CD99L2: variants seen among roughly 807,000 people sequenced by gnomAD.
CD99L2 encodes CD99 antigen-like protein 2.
A neutral mutation model predicts 27.3 loss-of-function variants in CD99L2; 24 were observed. The observed-to-expected ratio is 0.88, with a 90% CI of 0.64 to 1.24. The LOEUF (loss-of-function observed/expected upper bound fraction) is 1.24. CD99L2 is among the 50% of genes most tolerant of loss of function. CD99L2 has a pLI of 0.00. For synonymous variants in CD99L2, 97 were observed against 87.9 expected, an observed-to-expected ratio of 1.10 and a Z score of -0.58; for missense variants, 255 against 221.6, an observed-to-expected ratio of 1.15 and a Z score of -0.96.
intron 1 of CD99L2, among the ~76,000 whole-genome samples, chrX:150,872,536 A>G (rs2047173199): frequency 1.1e-5 from 1 of 92,875 alleles, no homozygotes; most frequent in African/African-American, 4.4e-5. Context: ...TTATACCTCA[A>G]TATGTTAAAA....
At chrX:150,881,583 C>T (rs2047325915) in intron 1 of CD99L2, among the ~76,000 whole-genome samples, 1 of 112,426 alleles carries the variant, frequency 8.9e-6, no homozygotes, top group Admixed American at 9.4e-5. Flanking sequence ...ACACAGCACT[C>T]AATTAACAGT....
chrX:150,816,467 G>C (rs968915038), intron 2 of CD99L2: 2 of 180,041 alleles, frequency 1.1e-5, no homozygotes, highest in Non-Finnish European at 1.0e-5. Context: ...TTTAAACATA[G>C]ATAATCCTGC....
intron 1 of CD99L2, among the ~76,000 whole-genome samples, chrX:150,880,844 T>C (rs1299972638): frequency 8.9e-6 from 1 of 111,989 alleles, no homozygotes; most frequent in Non-Finnish European, 1.9e-5. Flanking sequence ...ACCACTATTT[T>C]CTCTTCTAAA....
chrX:150,844,073 A>AT (rs2046663260), intron 1 of CD99L2, among the ~76,000 whole-genome samples: 1 of 112,450 alleles, frequency 8.9e-6, no homozygotes. Flanking sequence ...GGTTCAAGGA[A>AT]TAACACTCAA....
intron 1 of CD99L2, among the ~76,000 whole-genome samples, chrX:150,879,666 G>A (rs1386120718): frequency 9.6e-6 from 1 of 104,662 alleles, no homozygotes; most frequent in Non-Finnish European, 1.9e-5. Context: ...CCAGCACTTT[G>A]GGGGCCAAGG....
rs2045774412 is a variant in CD99L2, at chrX:150,795,194, G to C, written c.430+12C>G. ...TAATTAATGAGACAGAACCAGACCAGGTGGGACTCACCTCCTCCTCCAGCA... is the reference window on the plus strand; with the variant it reads ...TAATTAATGAGACAGAACCAGACCACGTGGGACTCACCTCCTCCTCCAGCA... On this transcript the variant is annotated intron_variant, in intron 6 of 10. Transcript: ENST00000370377. The C allele has an allele frequency of 8.3e-7, 1 of 1,207,765 alleles. No individual in the cohort carries two copies. The highest frequency in any genetic ancestry group is 1.1e-6 in the Non-Finnish European group (1 of 893,512).
rs868983435 is a variant in CD99L2 at position 150,832,419 on chromosome X, T to C, written c.68-1126A>G. On this transcript the variant is annotated intron_variant, in intron 1 of 10. Transcript: ENST00000370377. ...TGGGTAGATCACTTGAGGTCAGGAG[T>C]TTGGTACCAGCCTGGCCAACATGGT... Among the ~76,000 whole-genome samples, 19 of 110,315 alleles carry C rather than the reference T, an allele frequency of 1.7e-4. 1 individual carries two copies. The Middle Eastern group carries it at 0.029, about 167-fold the overall frequency.
chrX:150,767,357 A>G lies in CD99L2; in HGVS notation c.*1677T>C, dbSNP rs2043328965. Reference sequence around the variant, plus strand: ...CAAGGTTTCTTTCCTTCATGGCACCACGCAGAGGCATTTCTGCAGTGCTGC... The same window carrying G: ...CAAGGTTTCTTTCCTTCATGGCACCGCGCAGAGGCATTTCTGCAGTGCTGC... On this transcript the variant is annotated 3_prime_UTR_variant, in exon 11 of 11. Coordinates refer to ENST00000370377, the MANE Select transcript of CD99L2 (RefSeq NM_031462.4). 1 of 111,991 alleles carries G rather than the reference A, an allele frequency of 8.9e-6. No individual in the cohort carries two copies. Among genetic ancestry groups the G allele is most frequent in the African/African-American group, 3.3e-5 (1 of 30,731 alleles). 9.2% of individuals were successfully genotyped at this position (111,991 alleles called of 1,213,427 possible).
intron 1 of CD99L2, among the ~76,000 whole-genome samples, chrX:150,874,621 C>T (rs962401646): frequency 8.9e-6 from 1 of 111,767 alleles, no homozygotes; most frequent in African/African-American, 3.3e-5. Context: ...AGAAATGCCA[C>T]ACCCAGGTTT....
chrX:150,864,726 T>C (rs989388894), intron 1 of CD99L2, among the ~76,000 whole-genome samples: 5 of 112,527 alleles, frequency 4.4e-5, no homozygotes, highest in African/African-American at 1.6e-4. Context: ...CACAATACTA[T>C]TCATAAAAAG....
chrX:150,856,071 C>T (rs782537238), intron 1 of CD99L2, among the ~76,000 whole-genome samples: 8 of 112,945 alleles, frequency 7.1e-5, no homozygotes, highest in South Asian at 3.6e-4. Flanking sequence ...ATTCTGTATG[C>T]CCTGGCTGTG....
At chrX:150,864,698 C>A (rs964605513) in intron 1 of CD99L2, among the ~76,000 whole-genome samples, 4 of 112,452 alleles carry the variant, frequency 3.6e-5, no homozygotes, top group Non-Finnish European at 7.5e-5. Context: ...TGAGTGCAGA[C>A]AGTAGGAAAC....
At chrX:150,892,827 A>G (rs1469882716) in intron 1 of CD99L2, among the ~76,000 whole-genome samples, 1 of 110,174 alleles carries the variant, frequency 9.1e-6, no homozygotes, top group African/African-American at 3.3e-5. Context: ...GCACGTGTTT[A>G]AAAACAAACA....
At chrX:150,774,159 AT>A (rs1348466787) in intron 9 of CD99L2, among the ~76,000 whole-genome samples, 3 of 111,821 alleles carry the variant, frequency 2.7e-5, no homozygotes. Flanking sequence ...GTTCAATGAC[AT>A]TTTAGTTACC....
intron 4 of CD99L2, among the ~76,000 whole-genome samples, chrX:150,813,389 G>GA (rs2046101971): frequency 8.9e-6 from 1 of 111,849 alleles, no homozygotes; most frequent in Non-Finnish European, 1.9e-5. Context: ...AACTACACAC[G>GA]AATCTATGAT....
chrX:150,809,792 A>G (rs1014577832), intron 4 of CD99L2, among the ~76,000 whole-genome samples: 31 of 112,515 alleles, frequency 2.8e-4, no homozygotes, highest in African/African-American at 1.0e-3. Flanking sequence ...CATTAATAAA[A>G]ACAAGAGAAA....
chrX:150,802,256 T>G (rs1299874312), intron 4 of CD99L2, among the ~76,000 whole-genome samples: 1 of 111,205 alleles, frequency 9.0e-6, no homozygotes, highest in Non-Finnish European at 1.9e-5. Context: ...AATTAGCCAT[T>G]CACAATTGCT....
At position 150,830,748 on chromosome X, in the gene CD99L2, T is replaced by C. The variant is rs187716595; in HGVS notation, c.130+483A>G. ...AGTTATCACACATTGTTAGGTATTC[T>C]TAACAAAGGATTTAAATATTCAAAT... On this transcript the variant is annotated intron_variant, in intron 2 of 10. Transcript: ENST00000370377. Among the ~76,000 whole-genome samples, 21 of 111,859 alleles carry C rather than the reference T, an allele frequency of 1.9e-4. No individual in the cohort carries two copies. In the East Asian group the frequency reaches 5.8e-3, roughly 31 times the overall value.
chrX:150,816,940 C>T (rs2046165894), intron 2 of CD99L2, among the ~76,000 whole-genome samples: 3 of 105,704 alleles, frequency 2.8e-5, no homozygotes, highest in East Asian at 3.0e-4. Context: ...AGTAAACTAT[C>T]GCAAGAACAA....
Sources: allele counts gnomAD v4.1 joint callset (sites outside exome capture counted in the v4.1 genomes callset), GRCh38; gene constraint gnomAD v4.1.1; transcripts MANE v1.5; gene names NCBI Gene and HGNC (gene_info 2026-07-23, HGNC 2026-07-21).